TBL1XR1: variants seen among roughly 807,000 people sequenced by gnomAD.
TBL1XR1 encodes the protein F-box-like/WD repeat-containing protein TBL1XR1.
TBL1XR1 carries 5 observed loss-of-function variants against 66.9 expected under a neutral mutation model. The observed-to-expected ratio is 0.07, with a 90% CI of 0.04 to 0.16. The LOEUF is 0.16. Ranked by LOEUF, TBL1XR1 falls within the 10% of genes least tolerant of loss-of-function variation. The pLI is 1.00. For synonymous variants in TBL1XR1, 210 were observed against 206.0 expected, an observed-to-expected ratio of 1.02 and a Z score of -0.17; for missense variants, 238 against 623.2, an observed-to-expected ratio of 0.38 and a Z score of 6.58.
At chr3:177,167,484 G>C (rs11925579) in intron 1 of TBL1XR1, among the ~76,000 whole-genome samples, 2,395 of 152,266 alleles carry the variant, frequency 0.016, 55 homozygotes, top group African/African-American at 0.055. Context: ...ATGGACTTTG[G>C]GTGATAATGA....
chr3:177,036,175 A>C lies in TBL1XR1; in HGVS notation c.1123-1850T>G, dbSNP rs146874375. ...AAGAAGATATGTGTCTATTTCTATA[A>C]CTATCTCTAATATTTTTCCCACCAG... is the stretch of plus-strand genomic sequence containing the variant. On this transcript the variant is annotated intron_variant, in intron 12 of 15. Transcript: ENST00000457928. 1.1e-3 allele frequency among the ~76,000 whole-genome samples: 171 copies of C among 152,304 alleles called. 1 individual carries two copies. The highest frequency in any genetic ancestry group is 3.8e-3 in the African/African-American group (159 of 41,560).
chr3:177,059,101 T>C (rs913655978), intron 3 of TBL1XR1, among the ~76,000 whole-genome samples: 2 of 152,176 alleles, frequency 1.3e-5, no homozygotes, highest in Admixed American at 1.3e-4. Context: ...TGATAAAAAC[T>C]AAAAGGCAGA....
chr3:177,200,661 C>T (rs1442300268), upstream of TBL1XR1, among the ~76,000 whole-genome samples: 1 of 152,146 alleles, frequency 6.6e-6, no homozygotes, highest in Non-Finnish European at 1.5e-5. Flanking sequence ...TAATGTGTTT[C>T]TAGAAAGGAG....
At chr3:177,185,341 G>T (rs1181533586) in intron 1 of TBL1XR1, among the ~76,000 whole-genome samples, 2 of 152,234 alleles carry the variant, frequency 1.3e-5, no homozygotes, top group Non-Finnish European at 2.9e-5. Context: ...AGGGGCAGTG[G>T]CTCACGCCAG....
intron 2 of TBL1XR1, among the ~76,000 whole-genome samples, chr3:177,082,738 T>TTATATATATATA (rs374510003): frequency 0.033 from 2,102 of 63,100 alleles, 198 homozygotes; most frequent in African/African-American, 0.038. Context: ...AAGATAGAGA[T>TTATATATATATA]TATATATATA....
chr3:177,046,062 C>T (rs1254219436), intron 10 of TBL1XR1, 67 bp downstream of exon 10: 4 of 1,167,322 alleles, frequency 3.4e-6, no homozygotes, highest in Non-Finnish European at 4.8e-6. Flanking sequence ...AAATTATATG[C>T]TGTTAAAAGT....
At chr3:177,115,745 G>A (rs1205553428) in intron 1 of TBL1XR1, among the ~76,000 whole-genome samples, 2 of 152,192 alleles carry the variant, frequency 1.3e-5, no homozygotes, top group African/African-American at 4.8e-5. Flanking sequence ...GAAGCAAGAA[G>A]TAGTAATGGG....
At chr3:177,083,233 CAATTCCATG>C (rs1721665152) in intron 2 of TBL1XR1, among the ~76,000 whole-genome samples, 1 of 152,090 alleles carries the variant, frequency 6.6e-6, no homozygotes, top group Non-Finnish European at 1.5e-5. Context: ...TCGAAATTAC[CAATTCCATG>C]AATTCCATCT....
chr3:177,076,065 A>C (rs990604578), intron 2 of TBL1XR1, among the ~76,000 whole-genome samples: 1 of 152,238 alleles, frequency 6.6e-6, no homozygotes, highest in African/African-American at 2.4e-5. Flanking sequence ...GTGCCAGCAG[A>C]TACAGTGCCT....
chr3:177,028,228 T>C (rs1713433807), intron 14 of TBL1XR1, among the ~76,000 whole-genome samples: 1 of 152,048 alleles, frequency 6.6e-6, no homozygotes, highest in Middle Eastern at 3.4e-3. Flanking sequence ...AACCTGGATG[T>C]ATATACAACA....
intron 1 of TBL1XR1, among the ~76,000 whole-genome samples, chr3:177,112,800 C>A (rs1034095118): frequency 6.6e-6 from 1 of 151,938 alleles, no homozygotes; most frequent in Non-Finnish European, 1.5e-5. Flanking sequence ...GTCAGGAGTT[C>A]GAAACCAGCC....
intron 10 of TBL1XR1, among the ~76,000 whole-genome samples, chr3:177,038,854 A>G (rs1715172823): frequency 6.6e-6 from 1 of 152,192 alleles, no homozygotes; most frequent in Non-Finnish European, 1.5e-5. Flanking sequence ...CAAGTCACTT[A>G]ACCTCTATGA....
chr3:177,035,401 G>C (rs1714631620), intron 12 of TBL1XR1, among the ~76,000 whole-genome samples: 1 of 145,174 alleles, frequency 6.9e-6, no homozygotes, highest in Non-Finnish European at 1.5e-5. Context: ...ACACAGTTTT[G>C]TCCCTGCCCC....
chr3:177,165,483 AAACTT>A (rs958324323), intron 1 of TBL1XR1, among the ~76,000 whole-genome samples: 1 of 152,208 alleles, frequency 6.6e-6, no homozygotes, highest in African/African-American at 2.4e-5. Context: ...GGATATCAAC[AAACTT>A]AAGTCTTAAG....
At chr3:177,151,348 C>G (rs1215374984) in intron 1 of TBL1XR1, among the ~76,000 whole-genome samples, 1 of 152,206 alleles carries the variant, frequency 6.6e-6, no homozygotes, top group African/African-American at 2.4e-5. Context: ...TGGGGGTCCC[C>G]AACCCCCGGC....
chr3:177,144,230 G>A (rs1729972413), intron 1 of TBL1XR1, among the ~76,000 whole-genome samples: 1 of 150,864 alleles, frequency 6.6e-6, no homozygotes. Context: ...TGGGAAACAA[G>A]AGCAAAACTC....
At chr3:177,037,181 C>G (rs113169144) in intron 12 of TBL1XR1, among the ~76,000 whole-genome samples, 3 of 152,162 alleles carry the variant, frequency 2.0e-5, no homozygotes, top group Non-Finnish European at 4.4e-5. Context: ...CAAATTAATA[C>G]AACGCAAAGA....
chr3:177,145,359 CT>C (rs1455600131), intron 1 of TBL1XR1, among the ~76,000 whole-genome samples: 10 of 152,158 alleles, frequency 6.6e-5, no homozygotes, highest in Admixed American at 5.2e-4. Context: ...GACTGTATAT[CT>C]GGCTCCCTAT....
At chr3:177,066,290 G>C (rs1260289240) in intron 2 of TBL1XR1, among the ~76,000 whole-genome samples, 1 of 152,116 alleles carries the variant, frequency 6.6e-6, no homozygotes, top group Admixed American at 6.5e-5. Context: ...AGACAAATGG[G>C]AGGCAATGAC....
Sources: gnomAD v4.1 joint callset for allele counts (sites outside exome capture counted in the v4.1 genomes callset) on GRCh38, gnomAD v4.1.1 for gene constraint, MANE v1.5 for transcripts, NCBI Gene and HGNC (gene_info 2026-07-23, HGNC 2026-07-21) for gene names.